The following CLCNKA variants were observed in gnomAD, a reference collection of about 807,000 sequenced individuals.
CLCNKA encodes the protein chloride voltage-gated channel Ka.
CLCNKA carries 66 observed loss-of-function variants against 83.3 expected under a neutral mutation model. The observed-to-expected ratio is 0.79, with a 90% CI of 0.65 to 0.97. CLCNKA has a LOEUF of 0.97. Among genes scored for constraint, CLCNKA ranks in the 50% least tolerant of loss-of-function variants. The probability of loss-of-function intolerance (pLI) is 0.00; values close to 1 mark genes in which losing one functional copy is unlikely to be tolerated. For synonymous variants in CLCNKA, 357 were observed against 370.4 expected (o/e 0.96, Z 0.42); for missense variants, 806 against 888.7 (o/e 0.91, Z 1.18).
rs140752147 is a variant in CLCNKA, at chr1:16,023,687, C to T, written c.101-113C>T. 1.0e-3 allele frequency: 1,362 copies of T among 1,334,422 alleles called. 19 individuals carry two copies. The African/African-American group carries it at 0.018, about 18-fold the overall frequency. The allele number at this position is 1,334,422 out of a possible 1,614,324, so 82.7% of individuals were successfully genotyped here. ...TCAGGCGGGGCCCCCTCAGGACTAC[C>T]CCAGACTCAACTACCAGGGTCCTCC... On this transcript the variant is annotated intron_variant, in intron 2 of 19. Transcript: ENST00000331433.
Position 16,028,092 on chromosome 1 carries a change from G to A in CLCNKA, c.941G>A (p.Arg314Gln), listed in dbSNP as rs371274486. ...TTCCTCAGCTTCATCAAGACCAATC[G>A]GTACAGCTCCAAACTGCTGGCTACT... ...RTFLSFIKTN[R>Q]YSSKLLATSK... The change falls in exon 10 of 20, where the codon CGG becomes CAG. Residue 314 changes from arginine (R) to glutamine (Q), a missense_variant. Arg to Gln is a conservative substitution (Grantham distance 43). Coordinates refer to ENST00000331433, the MANE Select transcript of CLCNKA (RefSeq NM_004070.4). The A allele has an allele frequency of 3.2e-6, 5 of 1,571,706 alleles. No homozygotes were observed. The highest frequency in any genetic ancestry group is 1.1e-5 in the South Asian group (1 of 90,662).
At position 16,030,035 on chromosome 1, in the gene CLCNKA, G is replaced by T. The variant is rs139640286; in HGVS notation, c.1368G>T (p.Gly456=). The change falls in exon 14 of 20, where the codon GGG becomes GGT. Residue 456 remains glycine (G), a synonymous_variant. Transcript: ENST00000331433. ...TCCCTGAGGGCATTGTGACTGGAGGGGTTACCAATCCCATCATGCCCGGGG... is the reference window on the plus strand; with the variant it reads ...TCCCTGAGGGCATTGTGACTGGAGGTGTTACCAATCCCATCATGCCCGGGG... ...VAFPEGIVTG[G]VTNPIMPGGY... is the part of the protein sequence containing the mutation. 6 of 1,610,420 alleles carry T rather than the reference G, an allele frequency of 3.7e-6. No individual in the cohort carries two copies. The highest frequency in any genetic ancestry group is 1.1e-5 in the South Asian group (1 of 91,064).
intron 10 of CLCNKA, 115 bp from the exon 11 acceptor site, chr1:16,028,646 T>G: frequency 7.6e-7 from 1 of 1,313,716 alleles, no homozygotes; most frequent in South Asian, 1.2e-5. Flanking sequence ...AGTCCTTGCC[T>G]CGGTATCAGC....
intron 13 of CLCNKA, 68 bp from the exon 14 acceptor site, chr1:16,029,897 T>C: frequency 6.3e-7 from 1 of 1,598,822 alleles, no homozygotes; most frequent in South Asian, 1.1e-5. Context: ...CTAAGGATGG[T>C]CCTCAGGGAT....
chr1:16,026,380 G>C, intron 5 of CLCNKA, 133 bp downstream of exon 5: 1 of 1,465,038 alleles, frequency 6.8e-7, no homozygotes, highest in East Asian at 2.4e-5. Flanking sequence ...CAGTCTTAGG[G>C]GAAGAGCCAG....
intron 5 of CLCNKA, 64 bp from the exon 6 acceptor site, chr1:16,026,472 C>G (rs1410435172): frequency 1.9e-6 from 3 of 1,602,002 alleles, no homozygotes; most frequent in Non-Finnish European, 2.6e-6. Context: ...GGTGGGGAAG[C>G]CGTGCTGCCT....
At chr1:16,033,022 C>G (rs557097632) in intron 18 of CLCNKA, 148 bp from the exon 19 acceptor site, 2 of 858,310 alleles carry the variant, frequency 2.3e-6, no homozygotes, top group African/African-American at 1.6e-5. Context: ...CCCAGTGGCC[C>G]ACACTGGACA....
intron 2 of CLCNKA, among the ~76,000 whole-genome samples, chr1:16,023,408 C>T (rs543122740): frequency 5.9e-5 from 9 of 152,336 alleles, no homozygotes; most frequent in African/African-American, 2.2e-4. Context: ...AGGAACCTCC[C>T]AGTACAGGCA....
chr1:16,030,781 C>T, intron 15 of CLCNKA, 107 bp downstream of exon 15: 17 of 1,454,322 alleles, frequency 1.2e-5, no homozygotes, highest in Non-Finnish European at 1.6e-5. Flanking sequence ...TGACCTCCGA[C>T]ATGGGGGCTG....
In CLCNKA at chr1:16,027,839, A is replaced by C. The variant is rs1013433573; in HGVS notation, c.800A>C (p.Tyr267Ser). The change falls in exon 9 of 20, where the codon TAC becomes TCC. Residue 267 changes from tyrosine to serine, a missense_variant. Coordinates refer to ENST00000331433, the MANE Select transcript of CLCNKA (RefSeq NM_004070.4). ...TCCCCAGAGACCATCACCTCCCTCT[A>C]CAAGACCAGTTTCCGGGTGGACGTT... ...NSEQETITSL[Y>S]KTSFRVDVPF... 1 of 1,611,666 alleles carries C rather than the reference A, an allele frequency of 6.2e-7. No homozygotes were observed. Among genetic ancestry groups the C allele is most frequent in the Non-Finnish European group, 8.5e-7 (1 of 1,179,330 alleles).
At position 16,026,098 on chromosome 1, in the gene CLCNKA, T is replaced by C. The variant is rs749827773; in HGVS notation, c.359-10T>C. 1 of 1,612,352 alleles carries C rather than the reference T, an allele frequency of 6.2e-7. No individual in the cohort carries two copies. The highest frequency in any genetic ancestry group is 8.5e-7 in the Non-Finnish European group (1 of 1,179,990). On this transcript the variant is annotated splice_polypyrimidine_tract_variant and intron_variant, in intron 4 of 19. Transcript: ENST00000331433. Reference sequence around the variant, plus strand: ...TTGTCCCCTGCTTGTTCCTGTCCTGTCTGGCTAAGGTTCTGGAATCCCGGA... The same window carrying C: ...TTGTCCCCTGCTTGTTCCTGTCCTGCCTGGCTAAGGTTCTGGAATCCCGGA...
At chr1:16,026,033 C>A in intron 4 of CLCNKA, 75 bp from the exon 5 acceptor site, 3 of 1,596,830 alleles carry the variant, frequency 1.9e-6, no homozygotes, top group Non-Finnish European at 2.6e-6. Context: ...GGATTACAGG[C>A]GTGAGCCACT....
Position 16,027,809 on chromosome 1 carries a change from C to T in CLCNKA, c.782-12C>T. On this transcript the variant is annotated splice_polypyrimidine_tract_variant and intron_variant, in intron 8 of 19. Coordinates refer to ENST00000331433, the MANE Select transcript of CLCNKA (RefSeq NM_004070.4). Reference sequence around the variant, plus strand: ...AGCGCCATCTTGGCTCCCCACTGCCCTCCTTCCCCAGAGACCATCACCTCC... The same window carrying T: ...AGCGCCATCTTGGCTCCCCACTGCCTTCCTTCCCCAGAGACCATCACCTCC... The T allele has an allele frequency of 1.2e-6, 2 of 1,606,410 alleles. No homozygotes were observed. Among genetic ancestry groups the T allele is most frequent in the African/African-American group, 1.3e-5 (1 of 74,838 alleles).
intron 10 of CLCNKA, among the ~76,000 whole-genome samples, chr1:16,028,333 T>C (rs61772364): frequency 1.4e-5 from 2 of 144,316 alleles, no homozygotes; most frequent in African/African-American, 5.1e-5. Flanking sequence ...CCCTCCTTCA[T>C]TCTACAATCT....
intron 2 of CLCNKA, 68 bp from the exon 3 acceptor site, chr1:16,023,732 C>A (rs780357935): frequency 3.8e-6 from 6 of 1,594,348 alleles, no homozygotes; most frequent in Admixed American, 1.7e-5. Context: ...GCCAAGCAGA[C>A]CTCCAGGGAA....
chr1:16,030,551 C>T lies in CLCNKA; in HGVS notation c.1499C>T (p.Pro500Leu). The T allele has an allele frequency of 6.2e-7, 1 of 1,613,180 alleles. No homozygotes were observed. Among genetic ancestry groups the T allele is most frequent in the Non-Finnish European group, 8.5e-7 (1 of 1,180,034 alleles). The change falls in exon 15 of 20, where the codon CCC becomes CTC. Residue 500 changes from proline (P) to leucine (L), a missense_variant. Transcript: ENST00000331433. ...ACCGGCCAGATAGTGCATGCACTGC[C>T]CGTGCTGATGGCGGTGCTGGCAGCC... ...ELTGQIVHAL[P>L]VLMAVLAANA...
rs2022285383 is a variant in CLCNKA, at chr1:16,024,849, T to C, written c.316T>C (p.Phe106Leu). ...TGTGTACCCTGTGGCCCTCGTCTCT[T>C]TCTCCTCAGGCTTCTCCCAGAGCAT... ...WTVYPVALVSFSSGFSQSITP... is the reference protein window; with the variant it reads ...WTVYPVALVSLSSGFSQSITP... The change falls in exon 4 of 20, where the codon TTC (phenylalanine) becomes CTC (leucine). Residue 106 changes from phenylalanine to leucine, a missense_variant. By Grantham distance (22) the Phe-to-Leu change is conservative. Transcript: ENST00000331433. 6.2e-7 allele frequency: 1 copy of C among 1,614,032 alleles called. No homozygotes were observed. The highest frequency in any genetic ancestry group is 1.3e-5 in the African/African-American group (1 of 74,914).
At chr1:16,030,766 G>T in intron 15 of CLCNKA, 92 bp downstream of exon 15, 1 of 1,522,626 alleles carries the variant, frequency 6.6e-7, no homozygotes, top group Non-Finnish European at 9.0e-7. Flanking sequence ...AAACACCACC[G>T]CAGCTGACCT....
At chr1:16,025,353 GCAT>G (rs2022305047) in intron 4 of CLCNKA, among the ~76,000 whole-genome samples, 1 of 152,236 alleles carries the variant, frequency 6.6e-6, no homozygotes, top group Non-Finnish European at 1.5e-5. Flanking sequence ...ATGAGTTTAT[GCAT>G]CCTAACCTCT....
Sources: allele counts gnomAD v4.1 joint callset (sites outside exome capture counted in the v4.1 genomes callset), GRCh38; gene constraint gnomAD v4.1.1; transcripts MANE v1.5; gene names NCBI Gene and HGNC (gene_info 2026-07-23, HGNC 2026-07-21).